Variants in DPYSL5 observed in about 807,000 individuals in gnomAD.
DPYSL5 encodes the protein dihydropyrimidinase like 5, also known as dihydropyrimidinase-related protein 5.
In DPYSL5, 9 loss-of-function variants were observed where a neutral mutation model predicts 58.4. That is an observed-to-expected ratio of 0.15 (90% CI 0.09 to 0.27). DPYSL5 has a LOEUF of 0.27. Ranked by LOEUF, DPYSL5 falls within the 10% of genes least tolerant of loss-of-function variation. The probability of loss-of-function intolerance (pLI) is 1.00; values close to 1 mark genes in which losing one functional copy is unlikely to be tolerated. For missense variants in DPYSL5, 499 were observed against 770.6 expected (o/e 0.65, Z 4.17); for synonymous variants, 293 against 301.9 (o/e 0.97, Z 0.31).
chr2:26,935,270 T>C (rs951612939), intron 8 of DPYSL5, among the ~76,000 whole-genome samples: 5 of 152,194 alleles, frequency 3.3e-5, no homozygotes, highest in African/African-American at 1.2e-4. Flanking sequence ...ACACTGCTTT[T>C]TCCCCATGCA....
chr2:26,860,185 C>T (rs1558320450), intron 1 of DPYSL5, among the ~76,000 whole-genome samples: 1 of 152,038 alleles, frequency 6.6e-6, no homozygotes, highest in Admixed American at 6.5e-5. Context: ...ATGGTATTGT[C>T]CAGATGCTAA....
At chr2:26,910,635 T>TG (rs1664414616) in intron 2 of DPYSL5, among the ~76,000 whole-genome samples, 1 of 148,732 alleles carries the variant, frequency 6.7e-6, no homozygotes, top group Non-Finnish European at 1.5e-5. Flanking sequence ...TTTTTTTTTT[T>TG]AGTAGAGACA....
At position 26,948,590 on chromosome 2, in the gene DPYSL5, G is replaced by A. The variant is rs1458177823; in HGVS notation, c.*1595G>A. Reference sequence around the variant, plus strand: ...AGGTCAGCCCCTGGCCGGGTGCGGTGGCTCACGCCTGTAATCCCAGCACTT... The same window carrying A: ...AGGTCAGCCCCTGGCCGGGTGCGGTAGCTCACGCCTGTAATCCCAGCACTT... On this transcript the variant is annotated 3_prime_UTR_variant, in exon 13 of 13. Coordinates refer to ENST00000288699, the MANE Select transcript of DPYSL5 (RefSeq NM_020134.4). The A allele has an allele frequency of 6.6e-6, 1 of 152,666 alleles. No homozygotes were observed. The highest frequency in any genetic ancestry group is 1.5e-5 in the Non-Finnish European group (1 of 68,400). 9.5% of individuals were successfully genotyped at this position (152,666 alleles called of 1,614,324 possible). A position where few individuals can be genotyped will look rare whatever the true frequency, so the allele number is the denominator to read the frequency against.
At position 26,924,745 on chromosome 2, in the gene DPYSL5, C is replaced by T. The variant is rs1664786441; in HGVS notation, c.262-142C>T. On this transcript the variant is annotated intron_variant, in intron 2 of 12. Transcript: ENST00000288699. This position sits in a 1 kb window ranked among gnomAD's most constrained non-coding sequence, Gnocchi z 4.7. ...CTCCACATGGCTCTTTACAGTTTCC[C>T]AAACCTCGCTGCCCTTGGTCCTCAC... 2 of 1,239,088 alleles carry T rather than the reference C, an allele frequency of 1.6e-6. No homozygotes were observed. Among genetic ancestry groups the T allele is most frequent in the African/African-American group, 1.5e-5 (1 of 65,172 alleles). 76.8% of individuals were successfully genotyped at this position (1,239,088 alleles called of 1,614,324 possible).
Position 26,887,558 on chromosome 2 carries a change from C to T in DPYSL5, c.-4-10938C>T, listed in dbSNP as rs1187743716. On this transcript the variant is annotated intron_variant, in intron 1 of 12. Transcript: ENST00000288699. ...ACCTTATAGGAGTGTATGGTGTGTG[C>T]ATTTCATGATCAAGAAGCAGCAGCT... is the stretch of plus-strand genomic sequence containing the variant. 3.3e-5 allele frequency among the ~76,000 whole-genome samples: 5 copies of T among 152,350 alleles called. No individual in the cohort carries two copies. The East Asian group carries it at 9.6e-4, about 29-fold the overall frequency.
intron 1 of DPYSL5, among the ~76,000 whole-genome samples, chr2:26,893,903 TCTC>T (rs1489784784): frequency 6.6e-6 from 1 of 152,062 alleles, no homozygotes; most frequent in African/African-American, 2.4e-5. Flanking sequence ...AATGGCGTAA[TCTC>T]CTTCCTGCTG....
chr2:26,855,945 G>A (rs1036785509), intron 1 of DPYSL5, among the ~76,000 whole-genome samples: 1 of 152,084 alleles, frequency 6.6e-6, no homozygotes, highest in Non-Finnish European at 1.5e-5. Context: ...TTTTGCTCTT[G>A]TTTCCAGCAT....
Position 26,933,165 on chromosome 2 carries a change from G to A in DPYSL5, c.715-93G>A, listed in dbSNP as rs1033683285. The A allele has an allele frequency of 7.5e-5, 85 of 1,128,792 alleles. No homozygotes were observed. Among genetic ancestry groups the A allele is most frequent in the Middle Eastern group, 2.0e-4 (1 of 5,042 alleles). 69.9% of individuals were successfully genotyped at this position (1,128,792 alleles called of 1,614,324 possible). ...GGGGTTGAGTGACGCAGGGGGAGGC[G>A]CTGGTGCCAGGGCTGACTTTGCCAG... On this transcript the variant is annotated intron_variant, in intron 6 of 12. Transcript: ENST00000288699. The surrounding 1 kb of genome is among the most constrained non-coding windows in gnomAD (Gnocchi z 4.2).
intron 5 of DPYSL5, among the ~76,000 whole-genome samples, chr2:26,931,184 T>TGTGC: frequency 1.3e-5 from 1 of 75,304 alleles, no homozygotes. Context: ...TGTGTGTGTG[T>TGTGC]GTGTGTGTGT....
intron 1 of DPYSL5, among the ~76,000 whole-genome samples, chr2:26,864,547 TGAA>T (rs1666095176): frequency 6.6e-6 from 1 of 152,320 alleles, no homozygotes; most frequent in South Asian, 2.1e-4. Flanking sequence ...GTGCTGGTCT[TGAA>T]GAAGTCTCAG....
intron 2 of DPYSL5, among the ~76,000 whole-genome samples, chr2:26,911,324 A>G (rs1274621878): frequency 2.0e-5 from 3 of 152,166 alleles, no homozygotes; most frequent in Non-Finnish European, 1.5e-5. Flanking sequence ...TCAAAGTTGT[A>G]TGACTATTTT....
Position 26,936,945 on chromosome 2 carries a change from T to TAAAAAAAA in DPYSL5, c.947+2220_947+2227dup, listed in dbSNP as rs55795892. The stretch of plus-strand genomic sequence containing the variant: ...TGGGCAACAAGAGCAAGACTTCATT[T>TAAAAAAAA]AAAAAAAAAAAAAAAAGCTTGTTTT... On this transcript the variant is annotated intron_variant, in intron 8 of 12. Coordinates refer to ENST00000288699, the MANE Select transcript of DPYSL5 (RefSeq NM_020134.4). Among the ~76,000 whole-genome samples, 10 of 77,896 alleles carry TAAAAAAAA rather than the reference T, an allele frequency of 1.3e-4. 1 individual carries two copies. Among genetic ancestry groups the TAAAAAAAA allele is most frequent in the Non-Finnish European group, 2.0e-4 (8 of 40,852 alleles). The allele number at this position is 77,896 out of a possible 152,430, so 51.1% of individuals were successfully genotyped here. A position where few individuals can be genotyped will look rare whatever the true frequency, so the allele number is the denominator to read the frequency against.
chr2:26,931,520 G>C (rs1037778743), intron 5 of DPYSL5, 120 bp from the exon 6 acceptor site: 1 of 1,157,996 alleles, frequency 8.6e-7, no homozygotes, highest in African/African-American at 1.5e-5. Context: ...GCCTCTGCCC[G>C]GGCTTTGCCC....
intron 6 of DPYSL5, among the ~76,000 whole-genome samples, chr2:26,932,097 G>GGAAAA (rs1558351260): frequency 3.7e-5 from 1 of 27,024 alleles, no homozygotes; most frequent in African/African-American, 9.7e-5. Context: ...AAAAAAGAAA[G>GGAAAA]AGAAAGAAAG....
chr2:26,924,405 T>C lies in DPYSL5; in HGVS notation c.262-482T>C, dbSNP rs1664775883. 6.6e-6 allele frequency among the ~76,000 whole-genome samples: 1 copy of C among 152,230 alleles called. No homozygotes were observed. Among genetic ancestry groups the C allele is most frequent in the Non-Finnish European group, 1.5e-5 (1 of 68,042 alleles). On this transcript the variant is annotated intron_variant, in intron 2 of 12. Transcript: ENST00000288699. The surrounding 1 kb of genome is among the most constrained non-coding windows in gnomAD (Gnocchi z 4.7). ...AATATATCCAAATTAACATTTTCTA[T>C]ATCGTGGTTCAAATATACGTGTGTA... is the stretch of plus-strand genomic sequence containing the variant.
At chr2:26,865,022 AT>A (rs1353501687) in intron 1 of DPYSL5, among the ~76,000 whole-genome samples, 6 of 152,142 alleles carry the variant, frequency 3.9e-5, no homozygotes, top group Non-Finnish European at 1.5e-5. Flanking sequence ...ACCCTCAGCA[AT>A]TTTTCTTTCC....
At position 26,925,240 on chromosome 2, in the gene DPYSL5, C is replaced by A. The variant is rs1558347626; in HGVS notation, c.420+195C>A. ...GGCTTGTGCTGCTTAACTTAATGAG[C>A]CATTTTCCGGCAGGCACAGAGAGGC... On this transcript the variant is annotated intron_variant, in intron 3 of 12. Coordinates refer to ENST00000288699, the MANE Select transcript of DPYSL5 (RefSeq NM_020134.4). The surrounding 1 kb of genome is among the most constrained non-coding windows in gnomAD (Gnocchi z 4.5). Among the ~76,000 whole-genome samples, 1 of 152,180 alleles carries A rather than the reference C, an allele frequency of 6.6e-6. No homozygotes were observed. The highest frequency in any genetic ancestry group is 1.9e-4 in the East Asian group (1 of 5,178).
In DPYSL5 at chr2:26,898,073, G is replaced by C. The variant is rs1664061101; in HGVS notation, c.-4-423G>C. On this transcript the variant is annotated intron_variant, in intron 1 of 12. Transcript: ENST00000288699. The surrounding 1 kb of genome is among the most constrained non-coding windows in gnomAD (Gnocchi z 6.1). ...TGTAAGGGAGACATTTGTTGTATAA[G>C]ACATGTGGGTTCGACTTGGCTACTT... is the stretch of plus-strand genomic sequence containing the variant. 6.6e-6 allele frequency among the ~76,000 whole-genome samples: 1 copy of C among 152,194 alleles called. No homozygotes were observed. The highest frequency in any genetic ancestry group is 6.5e-5 in the Admixed American group (1 of 15,284).
At chr2:26,919,064 T>C (rs920352105) in intron 2 of DPYSL5, among the ~76,000 whole-genome samples, 1 of 152,092 alleles carries the variant, frequency 6.6e-6, no homozygotes, top group Non-Finnish European at 1.5e-5. Flanking sequence ...TCTTCAAAGG[T>C]CTTTGTCCTG....
Sources: gnomAD v4.1 joint callset for allele counts (sites outside exome capture counted in the v4.1 genomes callset) on GRCh38, gnomAD v4.1.1 for gene constraint, Gnocchi (gnomAD v3.1) non-coding constraint, MANE v1.5 for transcripts, NCBI Gene and HGNC (gene_info 2026-07-23, HGNC 2026-07-21) for gene names.